The following ABCA6 variants were observed in gnomAD, a reference collection of about 807,000 sequenced individuals.
ABCA6 encodes ATP-binding cassette sub-family A member 6.
In ABCA6, 164 loss-of-function variants were observed where a neutral mutation model predicts 191.2. That is an observed-to-expected ratio of 0.86 (90% CI 0.76 to 0.98). The LOEUF (loss-of-function observed/expected upper bound fraction) is 0.98, where lower values mean the gene tolerates loss of function less well. ABCA6 is among the 50% of genes least tolerant of loss of function. The pLI is 0.00. For missense variants in ABCA6, 1,958 were observed against 1,894.1 expected (o/e 1.03, Z -0.63); for synonymous variants, 636 against 647.7 (o/e 0.98, Z 0.27).
intron 12 of ABCA6, 124 bp downstream of exon 12, chr17:69,115,252 A>G (rs1483457426): frequency 1.5e-6 from 1 of 660,406 alleles, no homozygotes; most frequent in Non-Finnish European, 2.4e-6. Context: ...TAGCTCTTGG[A>G]AACAACTTTA....
At chr17:69,128,512 ATTG>A (rs1376041390) in intron 8 of ABCA6, 104 bp downstream of exon 8, 1 of 777,076 alleles carries the variant, frequency 1.3e-6, no homozygotes, top group East Asian at 3.1e-5. Flanking sequence ...CTTTAGAAAA[ATTG>A]TTTAGAATAA....
At chr17:69,130,733 T>C (rs2073847510) in intron 6 of ABCA6, among the ~76,000 whole-genome samples, 2 of 152,194 alleles carry the variant, frequency 1.3e-5, no homozygotes, top group African/African-American at 4.8e-5. Context: ...TGGAAGCAAC[T>C]TAAAAGCCTC....
At chr17:69,121,505 G>T (rs2073641618) in intron 10 of ABCA6, among the ~76,000 whole-genome samples, 1 of 151,998 alleles carries the variant, frequency 6.6e-6, no homozygotes, top group Non-Finnish European at 1.5e-5. Context: ...AGTAGCCTCA[G>T]GTCTCCACCT....
chr17:69,092,864 A>G (rs2072956847), intron 25 of ABCA6, among the ~76,000 whole-genome samples: 2 of 152,242 alleles, frequency 1.3e-5, no homozygotes, highest in African/African-American at 4.8e-5. Flanking sequence ...TACTAGCTGT[A>G]CAATGATAAA....
At chr17:69,101,465 AC>A (rs745385827) in intron 21 of ABCA6, among the ~76,000 whole-genome samples, 4 of 151,974 alleles carry the variant, frequency 2.6e-5, no homozygotes, top group Admixed American at 6.6e-5. Flanking sequence ...GTGTGGTGGC[AC>A]ACATCTGTAA....
chr17:69,084,942 C>T, intron 32 of ABCA6, 86 bp downstream of exon 32: 1 of 1,466,090 alleles, frequency 6.8e-7, no homozygotes, highest in Non-Finnish European at 9.0e-7. Flanking sequence ...AGCATATTGA[C>T]TCTCGGTTCT....
chr17:69,084,840 C>A (rs1322248711), intron 32 of ABCA6, among the ~76,000 whole-genome samples, 188 bp downstream of exon 32: 1 of 152,090 alleles, frequency 6.6e-6, no homozygotes, highest in East Asian at 1.9e-4. Context: ...TTTATATAAT[C>A]ATTTTTTAAA....
chr17:69,129,033 G>A (rs1213912039), intron 7 of ABCA6, among the ~76,000 whole-genome samples: 1 of 152,032 alleles, frequency 6.6e-6, no homozygotes, highest in Non-Finnish European at 1.5e-5. Flanking sequence ...GGAAAGGGTG[G>A]GGGAAAAGCT....
intron 10 of ABCA6, among the ~76,000 whole-genome samples, chr17:69,118,750 C>T (rs868134748): frequency 4.6e-5 from 7 of 152,042 alleles, no homozygotes; most frequent in South Asian, 2.1e-4. Flanking sequence ...GACACATCAG[C>T]TTGATATTCC....
Position 69,096,500 on chromosome 17 carries a change from C to T in ABCA6, c.3294+128G>A, listed in dbSNP as rs1317760841. The T allele has an allele frequency of 4.8e-6, 4 of 835,516 alleles. No individual in the cohort carries two copies. The African/African-American group carries it at 5.3e-5, about 11-fold the overall frequency. 51.8% of individuals were successfully genotyped at this position (835,516 alleles called of 1,614,324 possible). A position where few individuals can be genotyped will look rare whatever the true frequency, so the allele number is the denominator to read the frequency against. On this transcript the variant is annotated intron_variant, in intron 24 of 38. Transcript: ENST00000284425. ...ACTATTAGTATTTATCATACATGCACTTTGCATGTTTTTTGTTTTGGTTTA... is the reference window on the plus strand; with the variant it reads ...ACTATTAGTATTTATCATACATGCATTTTGCATGTTTTTTGTTTTGGTTTA...
At chr17:69,088,549 T>A (rs9892445) in intron 27 of ABCA6, among the ~76,000 whole-genome samples, 153 of 152,266 alleles carry the variant, frequency 1.0e-3, no homozygotes, top group African/African-American at 3.5e-3. Flanking sequence ...CAGGCCTAGG[T>A]CATTATAATG....
chr17:69,089,628 T>C, intron 26 of ABCA6, 86 bp from the exon 27 acceptor site: 2 of 1,145,694 alleles, frequency 1.7e-6, no homozygotes, highest in African/African-American at 1.6e-5. Flanking sequence ...AATTCACATA[T>C]TGAATATTTT....
chr17:69,132,042 G>T (rs569119000), intron 6 of ABCA6, among the ~76,000 whole-genome samples: 6 of 152,024 alleles, frequency 3.9e-5, no homozygotes, highest in Non-Finnish European at 7.4e-5. Context: ...GAAGACACAG[G>T]TTCCTCTTTT....
intron 25 of ABCA6, chr17:69,094,447 T>G (rs1174115777): frequency 6.6e-6 from 1 of 152,428 alleles, no homozygotes; most frequent in African/African-American, 2.4e-5. Flanking sequence ...CCTATTAAGT[T>G]CTAGAAGTTC....
chr17:69,107,702 C>A lies in ABCA6; in HGVS notation c.2383G>T (p.Glu795Ter). 6.3e-7 allele frequency: 1 copy of A among 1,595,090 alleles called. No homozygotes were observed. The highest frequency in any genetic ancestry group is 1.1e-5 in the South Asian group (1 of 89,082). Residue 795 changes from glutamate to a stop codon, truncating the protein, a stop_gained, in exon 18 of 39, where the codon GAA becomes TAA. Transcript: ENST00000284425. LOFTEE classifies it high-confidence loss of function. ...FMKLEGQSTI[E>*]QDFEQVEMIR... ...ATTATACAAATGGCTTTACCTTGTT[C>A]GATAGTTGACTGTCCTTCCAGTTTC...
intron 18 of ABCA6, among the ~76,000 whole-genome samples, chr17:69,107,248 T>C (rs1209861947): frequency 6.6e-6 from 1 of 152,132 alleles, no homozygotes; most frequent in East Asian, 1.9e-4. Context: ...AATCTAAGTG[T>C]CTGGCATAAG....
intron 18 of ABCA6, among the ~76,000 whole-genome samples, chr17:69,107,156 C>G (rs2073324438): frequency 6.6e-6 from 1 of 152,002 alleles, no homozygotes; most frequent in Non-Finnish European, 1.5e-5. Flanking sequence ...ATTTGTAAAC[C>G]AGTGCCAATG....
At position 69,084,310 on chromosome 17, in the gene ABCA6, G is replaced by A; in HGVS notation, c.4306C>T (p.Leu1436=). The A allele has an allele frequency of 6.2e-7, 1 of 1,614,172 alleles. No homozygotes were observed. The highest frequency in any genetic ancestry group is 1.1e-5 in the South Asian group (1 of 91,084). Residue 1436 remains leucine, a synonymous_variant, in exon 34 of 39, where the codon CTG becomes TTG. Coordinates refer to ENST00000284425, the MANE Select transcript of ABCA6 (RefSeq NM_080284.3). ...SLLGNSPVLL[L]DEPSTGIDPT... is the part of the protein sequence containing the mutation. ...TCTATGCCCGTAGATGGTTCATCCA[G>A]GAGCAAGACAGGTGAGTTTCCCAGG...
At chr17:69,128,003 T>C (rs946250267) in intron 8 of ABCA6, among the ~76,000 whole-genome samples, 1 of 152,128 alleles carries the variant, frequency 6.6e-6, no homozygotes, top group African/African-American at 2.4e-5. Context: ...TTTTCAAAAA[T>C]ACACTTTGTG....
Sources: gnomAD v4.1 joint callset for allele counts (sites outside exome capture counted in the v4.1 genomes callset) on GRCh38, gnomAD v4.1.1 for gene constraint, MANE v1.5 for transcripts, NCBI Gene and HGNC (gene_info 2026-07-23, HGNC 2026-07-21) for gene names.